The following CPVL variants were observed in gnomAD, a reference collection of about 807,000 sequenced individuals.
CPVL encodes the protein probable serine carboxypeptidase CPVL.
CPVL carries 51 observed loss-of-function variants against 63.7 expected under a neutral mutation model. That is an observed-to-expected ratio of 0.80 (90% confidence interval 0.64 to 1.01). CPVL has a LOEUF of 1.01. CPVL is among the 50% of genes least tolerant of loss of function. The probability of loss-of-function intolerance (pLI) is 0.00; values close to 1 mark genes in which losing one functional copy is unlikely to be tolerated. For missense variants in CPVL, 530 were observed against 573.1 expected (o/e 0.92, Z 0.77); for synonymous variants, 195 against 206.0 (o/e 0.95, Z 0.46).
At chr7:29,157,806 G>A (rs1475227325) in intron 5 of CPVL, among the ~76,000 whole-genome samples, 1 of 151,476 alleles carries the variant, frequency 6.6e-6, no homozygotes, top group Non-Finnish European at 1.5e-5. Flanking sequence ...ATATGTCACA[G>A]AGGTTTCAAA....
At chr7:29,050,370 A>G (rs1790022285) in intron 11 of CPVL, among the ~76,000 whole-genome samples, 1 of 151,588 alleles carries the variant, frequency 6.6e-6, no homozygotes, top group Admixed American at 6.6e-5. Flanking sequence ...CAACAAGAGA[A>G]TCAAATCAAG....
chr7:29,119,805 G>C (rs1363843978), intron 2 of CPVL, among the ~76,000 whole-genome samples: 1 of 152,186 alleles, frequency 6.6e-6, no homozygotes, highest in African/African-American at 2.4e-5. Context: ...GTGAGGCTGA[G>C]TATGAAGCCT....
At chr7:29,075,971 G>A (rs1217410239) in intron 7 of CPVL, among the ~76,000 whole-genome samples, 4 of 4,018 alleles carry the variant, frequency 1.0e-3, no homozygotes, top group East Asian at 4.8e-3. Flanking sequence ...TTTTTTTTTG[G>A]CAAGATCAGA....
intron 3 of CPVL, among the ~76,000 whole-genome samples, chr7:29,109,370 A>T (rs1321729974): frequency 1.3e-5 from 2 of 152,128 alleles, no homozygotes; most frequent in Non-Finnish European, 2.9e-5. Flanking sequence ...TCCTTCCTGG[A>T]TCTCTTATTT....
chr7:29,146,843 C>G (rs1226542209), upstream of CPVL: 2 of 1,550,946 alleles, frequency 1.3e-6, no homozygotes, highest in African/African-American at 1.4e-5. Context: ...TATTTCTGCA[C>G]TCTAGGACTT....
intron 3 of CPVL, among the ~76,000 whole-genome samples, chr7:29,105,954 G>A (rs766540608): frequency 6.4e-4 from 98 of 152,210 alleles, no homozygotes; most frequent in Non-Finnish European, 4.0e-4. Context: ...CCTGGGCTAG[G>A]GAGAGTGCTC....
chr7:29,094,937 A>G, intron 5 of CPVL, 147 bp downstream of exon 5: 1 of 659,000 alleles, frequency 1.5e-6, no homozygotes, highest in Non-Finnish European at 2.6e-6. Flanking sequence ...GAAAAACTAA[A>G]TCTCAAAATG....
chr7:29,105,046 T>G (rs1014556129), intron 3 of CPVL, among the ~76,000 whole-genome samples: 1 of 152,168 alleles, frequency 6.6e-6, no homozygotes, highest in Non-Finnish European at 1.5e-5. Context: ...AGAAGATAAA[T>G]AGAGTCAGTT....
At chr7:29,103,212 A>G (rs1787371581) in intron 3 of CPVL, among the ~76,000 whole-genome samples, 1 of 130,562 alleles carries the variant, frequency 7.7e-6, no homozygotes. Flanking sequence ...AAAACTTGCC[A>G]ATTTCAGTAC....
chr7:29,061,749 C>T (rs1206502512), intron 11 of CPVL, among the ~76,000 whole-genome samples: 1 of 152,136 alleles, frequency 6.6e-6, no homozygotes, highest in Middle Eastern at 3.4e-3. Context: ...AAGTTTGAGA[C>T]CAATCTGACC....
chr7:29,041,023 A>G (rs1438822182), intron 11 of CPVL, among the ~76,000 whole-genome samples: 1 of 151,514 alleles, frequency 6.6e-6, no homozygotes, highest in Non-Finnish European at 1.5e-5. Context: ...GGCCCCTTCT[A>G]GTCAGTCCTT....
chr7:29,130,147 G>C (rs957905807), intron 1 of CPVL, among the ~76,000 whole-genome samples: 1 of 152,146 alleles, frequency 6.6e-6, no homozygotes. Context: ...ATGAATAGTG[G>C]GGCCATGATT....
upstream of CPVL, among the ~76,000 whole-genome samples, chr7:29,148,243 G>T (rs1793049890): frequency 6.6e-6 from 1 of 152,196 alleles, no homozygotes; most frequent in Non-Finnish European, 1.5e-5. Context: ...TAAGTATAAG[G>T]ACAACTACTG....
chr7:29,072,196 G>GT, intron 8 of CPVL, 105 bp downstream of exon 8: 1 of 1,289,106 alleles, frequency 7.8e-7, no homozygotes, highest in Non-Finnish European at 1.1e-6. Flanking sequence ...GTCAACTGGT[G>GT]TTTCCCTTAT....
chr7:29,049,170 A>C (rs1345129695), intron 11 of CPVL, among the ~76,000 whole-genome samples: 1 of 152,084 alleles, frequency 6.6e-6, no homozygotes, highest in Non-Finnish European at 1.5e-5. Flanking sequence ...AATAACCAAG[A>C]TCAGAACAGA....
chr7:29,132,494 C>T (rs906002525), intron 1 of CPVL, among the ~76,000 whole-genome samples: 1 of 152,154 alleles, frequency 6.6e-6, no homozygotes, highest in Non-Finnish European at 1.5e-5. Flanking sequence ...TTTGGATAAA[C>T]TGGTCATGTT....
upstream of CPVL, among the ~76,000 whole-genome samples, chr7:29,149,590 G>C (rs1275502193): frequency 6.6e-6 from 1 of 152,172 alleles, no homozygotes; most frequent in Non-Finnish European, 1.5e-5. Context: ...TTCCAGGGAG[G>C]TTGTAACTGA....
At chr7:29,092,749 C>A in intron 5 of CPVL, 47 bp from the exon 6 acceptor site, 1 of 1,297,244 alleles carries the variant, frequency 7.7e-7, no homozygotes, top group Non-Finnish European at 1.1e-6. Context: ...GAAACACATG[C>A]CTTAGGGACC....
exon 1 of CPVL, chr7:29,195,241 G>C (rs1783530503): frequency 4.6e-6 from 2 of 433,254 alleles, no homozygotes; most frequent in South Asian, 9.9e-5. Flanking sequence ...GGGTGTTCCG[G>C]GGCTTGGAGT....
Sources: gnomAD v4.1 joint callset for allele counts (sites outside exome capture counted in the v4.1 genomes callset) on GRCh38, gnomAD v4.1.1 for gene constraint, MANE v1.5 for transcripts, NCBI Gene and HGNC (gene_info 2026-07-23, HGNC 2026-07-21) for gene names.